Variants in ITPRID1 observed in about 807,000 individuals in gnomAD.
The protein encoded by ITPRID1 is protein ITPRID1.
A neutral mutation model predicts 95.4 loss-of-function variants in ITPRID1; 96 were observed. The observed-to-expected ratio is 1.01, with a 90% confidence interval of 0.85 to 1.19. The LOEUF (loss-of-function observed/expected upper bound fraction) is 1.19, where lower values mean the gene tolerates loss of function less well. Ranked by LOEUF, ITPRID1 falls within the 50% of genes most tolerant of loss-of-function variation. The probability of loss-of-function intolerance (pLI) is 0.00; values close to 1 mark genes in which losing one functional copy is unlikely to be tolerated. For missense variants in ITPRID1, 1,339 were observed against 1,252.9 expected, an observed-to-expected ratio of 1.07 and a Z score of -1.04; for synonymous variants, 510 against 453.6, an observed-to-expected ratio of 1.12 and a Z score of -1.58.
intron 10 of ITPRID1, among the ~76,000 whole-genome samples, chr7:31,619,720 A>T (rs38341): frequency 2.0e-5 from 3 of 152,032 alleles, no homozygotes. Flanking sequence ...CTGAGGTACC[A>T]GTTCCATCTC....
intron 10 of ITPRID1, among the ~76,000 whole-genome samples, chr7:31,641,905 CA>C (rs1790049776): frequency 6.6e-6 from 1 of 152,138 alleles, no homozygotes; most frequent in African/African-American, 2.4e-5. Flanking sequence ...ATCTCACAAC[CA>C]TATTGTTATT....
chr7:31,612,376 TTG>T (rs537569468), intron 10 of ITPRID1, among the ~76,000 whole-genome samples: 32 of 152,104 alleles, frequency 2.1e-4, no homozygotes, highest in Non-Finnish European at 3.8e-4. Context: ...TGTTTTGTTT[TTG>T]TGTGTGTGGG....
intron 10 of ITPRID1, among the ~76,000 whole-genome samples, chr7:31,589,905 G>A (rs1785787477): frequency 6.6e-6 from 1 of 152,020 alleles, no homozygotes; most frequent in Admixed American, 6.6e-5. Context: ...GTTGGTAAAT[G>A]AACAAAGATA....
chr7:31,542,964 T>C (rs1056339723), intron 1 of ITPRID1, among the ~76,000 whole-genome samples: 8 of 152,134 alleles, frequency 5.3e-5, no homozygotes, highest in African/African-American at 1.7e-4. Flanking sequence ...GCCAATTAAT[T>C]AGAGCTTTTT....
intron 10 of ITPRID1, among the ~76,000 whole-genome samples, chr7:31,606,615 G>A (rs534829819): frequency 5.3e-5 from 8 of 152,166 alleles, no homozygotes; most frequent in South Asian, 2.1e-4. Flanking sequence ...AAAGAATTTC[G>A]TGCTTAGAGA....
intron 10 of ITPRID1, among the ~76,000 whole-genome samples, chr7:31,604,183 C>G (rs1287435700): frequency 6.6e-6 from 1 of 152,152 alleles, no homozygotes. Flanking sequence ...CTTTTTTGAG[C>G]ATTCTGTGCG....
intron 1 of ITPRID1, among the ~76,000 whole-genome samples, chr7:31,516,055 A>T (rs1414432389): frequency 6.6e-6 from 1 of 152,240 alleles, no homozygotes; most frequent in Non-Finnish European, 1.5e-5. Flanking sequence ...ATATGGTATT[A>T]ACCACATTAA....
chr7:31,621,522 G>A (rs1787892892), intron 10 of ITPRID1, among the ~76,000 whole-genome samples: 1 of 146,106 alleles, frequency 6.8e-6, no homozygotes, highest in Non-Finnish European at 1.5e-5. Flanking sequence ...CATAAGTGAA[G>A]GAGAAATAAA....
chr7:31,538,962 G>A lies in ITPRID1; in HGVS notation c.-97-10464G>A, dbSNP rs536223430. Among the ~76,000 whole-genome samples, 60 of 152,218 alleles carry A rather than the reference G, an allele frequency of 3.9e-4. 2 individuals are homozygous for A. In the South Asian group the frequency reaches 0.012, roughly 31 times the overall value. On this transcript the variant is annotated intron_variant, in intron 1 of 14. Coordinates refer to ENST00000615280, the MANE Select transcript of ITPRID1 (RefSeq NM_001257967.3). Reference sequence around the variant, plus strand: ...TTATTTACTACTATGATGCAGTTAAGTTGATAATTCTGTAACTCCGTCATT... The same window carrying A: ...TTATTTACTACTATGATGCAGTTAAATTGATAATTCTGTAACTCCGTCATT...
Position 31,652,523 on chromosome 7 carries a change from G to A in ITPRID1, c.2829G>A (p.Leu943=), listed in dbSNP as rs1190982517. The change falls in exon 15 of 15, where the codon CTG becomes CTA. Residue 943 remains leucine, a synonymous_variant. Coordinates refer to ENST00000615280, the MANE Select transcript of ITPRID1 (RefSeq NM_001257967.3). Reference sequence around the variant, plus strand: ...TCCTCTTGTTTTCCTTTTAGCAGCTGGAGGTTCTCACAGCAGAGCCACCTG... The same window carrying A: ...TCCTCTTGTTTTCCTTTTAGCAGCTAGAGGTTCTCACAGCAGAGCCACCTG... ...QQIREGILLQ[L]EVLTAEPPEH... 1.3e-6 allele frequency: 2 copies of A among 1,594,556 alleles called. No homozygotes were observed. Among genetic ancestry groups the A allele is most frequent in the South Asian group, 2.3e-5 (2 of 88,510 alleles).
At chr7:31,622,833 A>C (rs957901572) in intron 10 of ITPRID1, among the ~76,000 whole-genome samples, 1 of 152,168 alleles carries the variant, frequency 6.6e-6, no homozygotes, top group African/African-American at 2.4e-5. Flanking sequence ...GTTTTTTGAA[A>C]TGATCAACAA....
intron 5 of ITPRID1, among the ~76,000 whole-genome samples, chr7:31,557,105 A>G (rs965376408): frequency 2.0e-5 from 3 of 151,938 alleles, no homozygotes; most frequent in Non-Finnish European, 2.9e-5. Flanking sequence ...TAAGGATCCT[A>G]TGTAATCCAG....
At chr7:31,613,053 C>A (rs1786951062) in intron 10 of ITPRID1, among the ~76,000 whole-genome samples, 1 of 152,142 alleles carries the variant, frequency 6.6e-6, no homozygotes, top group Admixed American at 6.5e-5. Context: ...ATGGGCTTTG[C>A]CAGAGAGCTT....
rs151129123 is a variant in ITPRID1, at chr7:31,562,350, G to C, written c.257-7408G>C. On this transcript the variant is annotated intron_variant, in intron 5 of 14. Transcript: ENST00000615280. Reference sequence around the variant, plus strand: ...CTCCTACAGCAAAAAGACAGTTTCTGTCAAAGATATGCTTGGTGCCAGTTA... The same window carrying C: ...CTCCTACAGCAAAAAGACAGTTTCTCTCAAAGATATGCTTGGTGCCAGTTA... Among the ~76,000 whole-genome samples, 26 of 152,248 alleles carry C rather than the reference G, an allele frequency of 1.7e-4. 1 individual carries two copies. The highest frequency in any genetic ancestry group is 3.4e-4 in the Non-Finnish European group (23 of 68,024).
At chr7:31,632,158 C>A in intron 10 of ITPRID1, among the ~76,000 whole-genome samples, 1 of 152,150 alleles carries the variant, frequency 6.6e-6, no homozygotes, top group East Asian at 1.9e-4. Flanking sequence ...TAAAATTATC[C>A]TTGACAGAGG....
chr7:31,560,216 T>G (rs1009268), intron 5 of ITPRID1, among the ~76,000 whole-genome samples: 1 of 151,978 alleles, frequency 6.6e-6, no homozygotes, highest in Admixed American at 6.6e-5. Context: ...GTTCCAGGAA[T>G]AGCAAGGATG....
rs533173037 is a variant in ITPRID1 at position 31,625,230 on chromosome 7, C to G, written c.1229-16946C>G. 2.0e-3 allele frequency among the ~76,000 whole-genome samples: 297 copies of G among 151,944 alleles called. 1 individual carries two copies. Among genetic ancestry groups the G allele is most frequent in the African/African-American group, 6.9e-3 (286 of 41,412 alleles). ...GTCAGTGTGGCGATTCCTCAGGGAT[C>G]TAGAATTACAAATACCATTTGACCC... On this transcript the variant is annotated intron_variant, in intron 10 of 14. Coordinates refer to ENST00000615280, the MANE Select transcript of ITPRID1 (RefSeq NM_001257967.3).
chr7:31,594,196 A>C (rs1028657350), intron 10 of ITPRID1, among the ~76,000 whole-genome samples: 4 of 152,202 alleles, frequency 2.6e-5, no homozygotes, highest in Non-Finnish European at 4.4e-5. Flanking sequence ...TGGGAGGAAT[A>C]GGCTATACCA....
intron 10 of ITPRID1, among the ~76,000 whole-genome samples, chr7:31,607,957 T>G (rs2128163260): frequency 6.6e-6 from 1 of 152,218 alleles, no homozygotes; most frequent in South Asian, 2.1e-4. Context: ...ATCCTATTTT[T>G]TTTTGTCATG....
Sources: gnomAD v4.1 joint callset for allele counts (sites outside exome capture counted in the v4.1 genomes callset) on GRCh38, gnomAD v4.1.1 for gene constraint, MANE v1.5 for transcripts, NCBI Gene and HGNC (gene_info 2026-07-23, HGNC 2026-07-21) for gene names.